Variants in ZMAT4 observed in about 807,000 individuals in gnomAD.
ZMAT4 encodes zinc finger matrin-type 4, also known as zinc finger matrin-type protein 4.
ZMAT4 carries 17 observed loss-of-function variants against 28.7 expected under a neutral mutation model. The ratio of observed to expected loss-of-function variants is 0.59; its 90% confidence interval spans 0.41 to 0.89. The LOEUF (loss-of-function observed/expected upper bound fraction) is 0.89. ZMAT4 is among the 40% of genes least tolerant of loss of function. The pLI is 0.00. For synonymous variants in ZMAT4, 117 were observed against 109.2 expected, an observed-to-expected ratio of 1.07 and a Z score of -0.44; for missense variants, 240 against 283.8, an observed-to-expected ratio of 0.85 and a Z score of 1.11.
intron 5 of ZMAT4, among the ~76,000 whole-genome samples, chr8:40,635,169 C>G (rs933890241): frequency 6.6e-6 from 1 of 152,094 alleles, no homozygotes; most frequent in Non-Finnish European, 1.5e-5. Flanking sequence ...CTGTACAAAG[C>G]AATTTCATTT....
chr8:40,796,334 A>G (rs1262636788), intron 2 of ZMAT4, among the ~76,000 whole-genome samples: 1 of 152,182 alleles, frequency 6.6e-6, no homozygotes, highest in African/African-American at 2.4e-5. Flanking sequence ...TTCCCAATAA[A>G]TGACCCTGGC....
intron 1 of ZMAT4, among the ~76,000 whole-genome samples, chr8:40,894,691 C>T (rs1007725420): frequency 6.6e-6 from 1 of 152,042 alleles, no homozygotes; most frequent in South Asian, 2.1e-4. Context: ...GCTCCAACCT[C>T]TTCAACTTTC....
At position 40,722,082 on chromosome 8, in the gene ZMAT4, C is replaced by A. The variant is rs188387035; in HGVS notation, c.193-24681G>T. ...AAACCATAAAAACCCTAGAAGAAAA[C>A]CTAGGCATTGCCATTCAGGACATAG... On this transcript the variant is annotated intron_variant, in intron 3 of 6. Transcript: ENST00000297737. 4.9e-3 allele frequency among the ~76,000 whole-genome samples: 751 copies of A among 152,006 alleles called. 7 individuals carry two copies. The highest frequency in any genetic ancestry group is 8.0e-3 in the Non-Finnish European group (543 of 68,010).
In ZMAT4 at chr8:40,697,270, T is replaced by G. The variant is rs1251257406; in HGVS notation, c.324A>C (p.Gly108=). ...CTGTGGTCTTTAATGGGGTCTTCTC[T>G]CCTAGCAAGAGTTTTAACCTCTTGG... is the stretch of plus-strand genomic sequence containing the variant. ...IHAKRLKLLL[G]EKTPLKTTAT... Residue 108 remains glycine (G), a synonymous_variant, in exon 4 of 7, where the codon GGA becomes GGC. Coordinates refer to ENST00000297737, the MANE Select transcript of ZMAT4 (RefSeq NM_024645.3). 3 of 1,612,852 alleles carry G rather than the reference T, an allele frequency of 1.9e-6. No homozygotes were observed. Among genetic ancestry groups the G allele is most frequent in the African/African-American group, 1.3e-5 (1 of 74,878 alleles).
In ZMAT4 at chr8:40,825,632, G is replaced by A; in HGVS notation, c.45C>T (p.Tyr15=). 6.4e-7 allele frequency: 1 copy of A among 1,555,544 alleles called. No individual in the cohort carries two copies. Residue 15 remains tyrosine (Y), a synonymous_variant, in exon 2 of 7, where the codon TAC becomes TAT. Transcript: ENST00000297737. ...DIDQDLFTDS[Y]CKVCSAQLIS... ...TCAGCTGTGCACTGCACACCTTGCA[G>A]TAACTGTCTGTGAATAAATCCTGAT...
intron 5 of ZMAT4, among the ~76,000 whole-genome samples, chr8:40,583,155 C>A (rs2118551608): frequency 6.6e-6 from 1 of 152,220 alleles, no homozygotes; most frequent in East Asian, 1.9e-4. Flanking sequence ...ACAGAACTAC[C>A]TAGAGGGCTT....
intron 2 of ZMAT4, among the ~76,000 whole-genome samples, chr8:40,787,163 G>T (rs769399681): frequency 6.6e-6 from 1 of 152,164 alleles, no homozygotes; most frequent in Non-Finnish European, 1.5e-5. Context: ...AGCACTAAAT[G>T]CTTATAATAG....
chr8:40,889,430 T>A (rs2150670126), intron 1 of ZMAT4, among the ~76,000 whole-genome samples: 1 of 152,328 alleles, frequency 6.6e-6, no homozygotes, highest in Admixed American at 6.5e-5. Context: ...TTGGAATGAC[T>A]GATTTAGAAA....
chr8:40,873,870 C>A (rs1275579130), intron 1 of ZMAT4, among the ~76,000 whole-genome samples: 1 of 152,070 alleles, frequency 6.6e-6, no homozygotes, highest in Non-Finnish European at 1.5e-5. Context: ...AGCTTTCCAC[C>A]CTGGGATGCT....
intron 6 of ZMAT4, among the ~76,000 whole-genome samples, chr8:40,557,622 A>T (rs1259446625): frequency 6.6e-6 from 1 of 152,106 alleles, no homozygotes; most frequent in Non-Finnish European, 1.5e-5. Flanking sequence ...CCCCTCTTTT[A>T]TATTCCCATA....
chr8:40,593,586 G>T (rs1804965423), intron 5 of ZMAT4, among the ~76,000 whole-genome samples: 1 of 152,184 alleles, frequency 6.6e-6, no homozygotes, highest in African/African-American at 2.4e-5. Context: ...AAGTCCTAAT[G>T]TGTCTTCACC....
chr8:40,575,656 A>C (rs961334405), intron 6 of ZMAT4, among the ~76,000 whole-genome samples: 1 of 130,400 alleles, frequency 7.7e-6, no homozygotes, highest in Non-Finnish European at 1.6e-5. Context: ...ATCCATCTAC[A>C]GGAAAAAGTC....
At chr8:40,626,428 C>A (rs578129263) in intron 5 of ZMAT4, among the ~76,000 whole-genome samples, 1 of 152,256 alleles carries the variant, frequency 6.6e-6, no homozygotes, top group African/African-American at 2.4e-5. Flanking sequence ...AGACTTTAGA[C>A]CTCATGCTTA....
chr8:40,785,200 G>A (rs35572316), intron 2 of ZMAT4, among the ~76,000 whole-genome samples: 25,150 of 152,200 alleles, frequency 0.17, 2,584 homozygotes, highest in Middle Eastern at 0.24. Context: ...AGACTGACCC[G>A]TCTCTGAAAT....
At chr8:40,822,803 A>G (rs1815879474) in intron 2 of ZMAT4, among the ~76,000 whole-genome samples, 1 of 152,170 alleles carries the variant, frequency 6.6e-6, no homozygotes, top group South Asian at 2.1e-4. Flanking sequence ...GTTCCCATCC[A>G]CAATTAATGG....
At chr8:40,781,678 C>T (rs1361730070) in intron 2 of ZMAT4, among the ~76,000 whole-genome samples, 1 of 133,052 alleles carries the variant, frequency 7.5e-6, no homozygotes, top group Non-Finnish European at 1.6e-5. Context: ...AGGAGAATGG[C>T]GTGAACCCGG....
intron 6 of ZMAT4, among the ~76,000 whole-genome samples, chr8:40,568,397 C>T (rs1385271508): frequency 6.6e-6 from 1 of 152,148 alleles, no homozygotes; most frequent in Non-Finnish European, 1.5e-5. Context: ...TTTCCTGGAT[C>T]ACTTCTTCTA....
intron 2 of ZMAT4, among the ~76,000 whole-genome samples, chr8:40,794,083 A>T (rs558112122): frequency 1.3e-5 from 2 of 148,488 alleles, no homozygotes; most frequent in Non-Finnish European, 3.0e-5. Context: ...TCAAAAGGCA[A>T]TTTTTTTAAT....
chr8:40,867,903 A>C (rs779483929), intron 1 of ZMAT4, among the ~76,000 whole-genome samples: 2 of 152,122 alleles, frequency 1.3e-5, no homozygotes, highest in Admixed American at 6.6e-5. Flanking sequence ...CATGGCCTGC[A>C]CATGTATCCC....
Sources: gnomAD v4.1 joint callset for allele counts (sites outside exome capture counted in the v4.1 genomes callset) on GRCh38, gnomAD v4.1.1 for gene constraint, MANE v1.5 for transcripts, NCBI Gene and HGNC (gene_info 2026-07-23, HGNC 2026-07-21) for gene names.